Variants in ROBO2 observed in about 807,000 individuals in gnomAD.
ROBO2 encodes the protein roundabout homolog 2.
Under a neutral mutation model 160.8 loss-of-function variants are expected in ROBO2, and 53 were observed. The ratio of observed to expected loss-of-function variants is 0.33; its 90% confidence interval spans 0.26 to 0.41. The LOEUF (loss-of-function observed/expected upper bound fraction) is 0.41, where lower values mean the gene tolerates loss of function less well. Ranked by LOEUF, ROBO2 falls within the 10% of genes least tolerant of loss-of-function variation. The pLI is 1.00. For missense variants in ROBO2, 1,577 were observed against 1,722.4 expected, an observed-to-expected ratio of 0.92 and a Z score of 1.49; for synonymous variants, 664 against 611.7, an observed-to-expected ratio of 1.09 and a Z score of -1.26.
Position 76,043,210 on chromosome 3 carries a change from G to C in ROBO2, c.109+105608G>C, listed in dbSNP as rs1270505645. ...GTGCCATGAATATTTGTCCATTAAC[G>C]AACATCCCTTACGTGTAAGAACATT... On this transcript the variant is annotated intron_variant, in intron 2 of 26. Transcript: ENST00000487694. Among the ~76,000 whole-genome samples, 3 of 150,642 alleles carry C rather than the reference G, an allele frequency of 2.0e-5. No individual in the cohort carries two copies. In the East Asian group the frequency reaches 5.8e-4, roughly 29 times the overall value.
At chr3:76,924,064 T>G (rs1292327106) in intron 2 of ROBO2, among the ~76,000 whole-genome samples, 2 of 152,208 alleles carry the variant, frequency 1.3e-5, no homozygotes, top group Non-Finnish European at 2.9e-5. Context: ...ATAAACTGCT[T>G]AAGAATTTGA....
At chr3:76,804,431 C>T (rs2064506655) in intron 2 of ROBO2, among the ~76,000 whole-genome samples, 1 of 152,132 alleles carries the variant, frequency 6.6e-6, no homozygotes, top group Non-Finnish European at 1.5e-5. Context: ...AGGATAGGTG[C>T]ACAAACTGAG....
intron 2 of ROBO2, among the ~76,000 whole-genome samples, chr3:76,018,322 G>C (rs994581686): frequency 4.0e-5 from 6 of 151,888 alleles, no homozygotes; most frequent in African/African-American, 1.4e-4. Flanking sequence ...ATTTAGGAAA[G>C]AAAGGATTAA....
chr3:77,452,863 T>A (rs1419446368), intron 2 of ROBO2, among the ~76,000 whole-genome samples: 1 of 152,194 alleles, frequency 6.6e-6, no homozygotes, highest in Non-Finnish European at 1.5e-5. Context: ...AAAGCACACA[T>A]ACAAGCCAAT....
At chr3:76,033,527 G>T (rs2066998289) in intron 2 of ROBO2, among the ~76,000 whole-genome samples, 1 of 152,140 alleles carries the variant, frequency 6.6e-6, no homozygotes, top group Admixed American at 6.5e-5. Context: ...TGGCATCATG[G>T]TCTGCCACTG....
chr3:77,621,439 A>T (rs1252540128), intron 22 of ROBO2, among the ~76,000 whole-genome samples: 1 of 151,888 alleles, frequency 6.6e-6, no homozygotes. Flanking sequence ...AAAAAATTAA[A>T]TAAATAAATA....
intron 2 of ROBO2, among the ~76,000 whole-genome samples, chr3:76,798,146 GAAA>G (rs1157076134): frequency 6.1e-5 from 6 of 98,994 alleles, no homozygotes; most frequent in African/African-American, 2.5e-4. Flanking sequence ...GAAAGAGAAA[GAAA>G]GAAAGAAAGA....
rs180743544 is a variant in ROBO2, at chr3:76,193,476, T to G, written c.109+255874T>G. Among the ~76,000 whole-genome samples, 267 of 152,350 alleles carry G rather than the reference T, an allele frequency of 1.8e-3. 1 individual carries two copies. The highest frequency in any genetic ancestry group is 6.2e-3 in the African/African-American group (257 of 41,590). On this transcript the variant is annotated intron_variant, in intron 2 of 26. Coordinates refer to the ROBO2 transcript ENST00000487694. ...GAATATTGGGCATGATATAAATTTC[T>G]GTTATCAAATGCTGTTGTTTTGATT... is the stretch of plus-strand genomic sequence containing the variant.
At chr3:76,855,860 G>T (rs973175052) in intron 2 of ROBO2, among the ~76,000 whole-genome samples, 3 of 152,010 alleles carry the variant, frequency 2.0e-5, no homozygotes, top group African/African-American at 4.8e-5. Flanking sequence ...AGAATATTTG[G>T]TATGAGCCAG....
At chr3:77,506,694 G>A (rs1053195337) in intron 5 of ROBO2, among the ~76,000 whole-genome samples, 5 of 152,060 alleles carry the variant, frequency 3.3e-5, no homozygotes, top group African/African-American at 7.2e-5. Context: ...CCAAAATGGC[G>A]ATAGTGTTGA....
In ROBO2 at chr3:76,435,489, T is replaced by TG. The variant is rs1577167548; in HGVS notation, c.109+497889dup. The stretch of plus-strand genomic sequence containing the variant: ...ACCGTGGGATAAATCTGTATCAAGA[T>TG]GGTTCTTTTCGCGATTTCCTCTACC... On this transcript the variant is annotated intron_variant, in intron 2 of 26. Coordinates refer to the ROBO2 transcript ENST00000487694. 8 of 684,420 alleles carry TG rather than the reference T, an allele frequency of 1.2e-5. No individual in the cohort carries two copies. The East Asian group carries it at 2.1e-4, about 18-fold the overall frequency. 42.4% of individuals were successfully genotyped at this position (684,420 alleles called of 1,614,324 possible). A position where few individuals can be genotyped will look rare whatever the true frequency, so the allele number is the denominator to read the frequency against.
intron 17 of ROBO2, among the ~76,000 whole-genome samples, chr3:77,589,752 A>G (rs769483008): frequency 6.6e-6 from 1 of 152,136 alleles, no homozygotes; most frequent in South Asian, 2.1e-4. Flanking sequence ...GCAATGTTCA[A>G]TTACAATTTT....
At chr3:76,721,692 CA>C (rs1183325304) in intron 2 of ROBO2, among the ~76,000 whole-genome samples, 5 of 152,174 alleles carry the variant, frequency 3.3e-5, no homozygotes, top group African/African-American at 1.2e-4. Flanking sequence ...TGAGGTTTAT[CA>C]TCCCTAAAAA....
chr3:77,376,542 T>C (rs559498824), intron 2 of ROBO2, among the ~76,000 whole-genome samples: 23 of 152,270 alleles, frequency 1.5e-4, no homozygotes, highest in Admixed American at 6.5e-4. Flanking sequence ...CAAGGTATCA[T>C]TGAAGAAGTT....
chr3:77,368,919 G>C (rs1203300452), intron 2 of ROBO2, among the ~76,000 whole-genome samples: 1 of 152,104 alleles, frequency 6.6e-6, no homozygotes, highest in African/African-American at 2.4e-5. Flanking sequence ...CACCCATAAA[G>C]TCACCTTACT....
intron 11 of ROBO2, among the ~76,000 whole-genome samples, chr3:77,564,157 A>C (rs1021538261): frequency 6.6e-6 from 1 of 152,188 alleles, no homozygotes; most frequent in African/African-American, 2.4e-5. Context: ...ATTTCAAAAT[A>C]CTACGTTTCT....
At chr3:76,402,212 T>C (rs991742885) in intron 2 of ROBO2, among the ~76,000 whole-genome samples, 1 of 151,562 alleles carries the variant, frequency 6.6e-6, no homozygotes, top group African/African-American at 2.4e-5. Flanking sequence ...AGCTTGGTCC[T>C]GAATTCAATT....
intron 2 of ROBO2, among the ~76,000 whole-genome samples, chr3:76,820,273 A>G (rs2066003730): frequency 6.6e-6 from 1 of 152,046 alleles, no homozygotes; most frequent in African/African-American, 2.4e-5. Flanking sequence ...GTTTCTTACC[A>G]TAAAAGAGGA....
intron 2 of ROBO2, among the ~76,000 whole-genome samples, chr3:76,022,351 G>A (rs909519350): frequency 7.9e-5 from 12 of 151,718 alleles, no homozygotes; most frequent in African/African-American, 2.9e-4. Flanking sequence ...AATGTCCTTA[G>A]TGTCATCTAG....
Sources: gnomAD v4.1 joint callset for allele counts (sites outside exome capture counted in the v4.1 genomes callset) on GRCh38, gnomAD v4.1.1 for gene constraint, MANE v1.5 for transcripts, NCBI Gene and HGNC (gene_info 2026-07-23, HGNC 2026-07-21) for gene names.